NEK9: variants seen among roughly 807,000 people sequenced by gnomAD.
The protein encoded by NEK9 is serine/threonine-protein kinase Nek9.
Under a neutral mutation model 123.4 loss-of-function variants are expected in NEK9, and 75 were observed. The ratio of observed to expected loss-of-function variants is 0.61; its 90% CI spans 0.50 to 0.74. NEK9 has a LOEUF of 0.74. NEK9 is among the 30% of genes least tolerant of loss of function. The pLI, the probability that NEK9 is intolerant of heterozygous loss-of-function variation, is 0.00. For missense variants in NEK9, 952 were observed against 1,214.4 expected, an observed-to-expected ratio of 0.78 and a Z score of 3.21; for synonymous variants, 438 against 458.7, an observed-to-expected ratio of 0.95 and a Z score of 0.58.
At chr14:75,126,054 C>A (rs935517067) in intron 1 of NEK9, among the ~76,000 whole-genome samples, 2 of 152,176 alleles carry the variant, frequency 1.3e-5, no homozygotes, top group African/African-American at 4.8e-5. Context: ...TCAAAGGGGT[C>A]CTTGTGCCCC....
At chr14:75,122,026 C>T (rs1236961912) in intron 2 of NEK9, among the ~76,000 whole-genome samples, 1 of 152,216 alleles carries the variant, frequency 6.6e-6, no homozygotes. Context: ...CTAATTTCTT[C>T]CTGTGGAATA....
At chr14:75,094,651 A>G (rs1431488605) in intron 18 of NEK9, among the ~76,000 whole-genome samples, 1 of 152,084 alleles carries the variant, frequency 6.6e-6, no homozygotes, top group African/African-American at 2.4e-5. Context: ...GTGGTGGTGC[A>G]TGCCTGTAAT....
At chr14:75,099,378 A>C (rs937198771) in intron 16 of NEK9, among the ~76,000 whole-genome samples, 4 of 152,120 alleles carry the variant, frequency 2.6e-5, no homozygotes, top group Non-Finnish European at 4.4e-5. Flanking sequence ...AAGTGAAAAA[A>C]GTGGCTACAA....
At chr14:75,123,220 G>T (rs956360954) in intron 2 of NEK9, among the ~76,000 whole-genome samples, 11 of 152,042 alleles carry the variant, frequency 7.2e-5, no homozygotes, top group African/African-American at 2.7e-4. Flanking sequence ...GGCCAACGTG[G>T]CAAAACCCTG....
Position 75,121,122 on chromosome 14 carries a change from T to C in NEK9, c.450A>G (p.Glu150=), listed in dbSNP as rs1895318589. ...CTTCCACAGAAATATGAATTACCTC[T>C]TCCTCAAACAACTTGTCCTTCTGAC... ...ILRQKDKLFE[E]EMVVWYLFQI... Residue 150 remains glutamate (E), a synonymous_variant, in exon 3 of 22, where the codon GAA becomes GAG. Transcript: ENST00000238616. 4 of 1,611,014 alleles carry C rather than the reference T, an allele frequency of 2.5e-6. No individual in the cohort carries two copies. Among genetic ancestry groups the C allele is most frequent in the South Asian group, 1.1e-5 (1 of 91,024 alleles).
chr14:75,126,563 A>G (rs969538384), intron 1 of NEK9, 140 bp downstream of exon 1: 2 of 493,222 alleles, frequency 4.1e-6, no homozygotes, highest in African/African-American at 4.0e-5. Flanking sequence ...GAGTGGGAAG[A>G]GTGGTGAAGA....
intron 2 of NEK9, among the ~76,000 whole-genome samples, 173 bp downstream of exon 2, chr14:75,123,873 T>G (rs1185205641): frequency 6.6e-6 from 1 of 152,188 alleles, no homozygotes; most frequent in Non-Finnish European, 1.5e-5. Context: ...TCCCTCTCCT[T>G]ATTTCGTACA....
chr14:75,119,483 A>G (rs1895252392), intron 4 of NEK9, among the ~76,000 whole-genome samples: 1 of 152,238 alleles, frequency 6.6e-6, no homozygotes, highest in South Asian at 2.1e-4. Flanking sequence ...GCTTCACAGC[A>G]TAGAAATATC....
Position 75,084,111 on chromosome 14 carries a change from C to T in NEK9, c.*453G>A, listed in dbSNP as rs1345093852. The T allele has an allele frequency of 1.1e-5, 2 of 183,636 alleles. No homozygotes were observed. Among genetic ancestry groups the T allele is most frequent in the African/African-American group, 4.7e-5 (2 of 42,810 alleles). 11.4% of individuals were successfully genotyped at this position (183,636 alleles called of 1,614,324 possible). The stretch of plus-strand genomic sequence containing the variant: ...GCAGAGGACACTGGGCGGGCCACAC[C>T]TGATTCCAGCCCACTCCAACTTTAC... On this transcript the variant is annotated 3_prime_UTR_variant, in exon 22 of 22. Transcript: ENST00000238616.
intron 18 of NEK9, among the ~76,000 whole-genome samples, chr14:75,094,736 C>T (rs1034829187): frequency 1.3e-5 from 2 of 152,038 alleles, no homozygotes; most frequent in East Asian, 1.9e-4. Flanking sequence ...GCCGAGATTG[C>T]GCCATTGCAC....
chr14:75,098,857 A>G lies in NEK9; in HGVS notation c.2003-1587T>C, dbSNP rs115642619. On this transcript the variant is annotated intron_variant, in intron 16 of 21. Coordinates refer to ENST00000238616, the MANE Select transcript of NEK9 (RefSeq NM_033116.6). ...TATTCAAGAAACATGAGCTCTCTGA[A>G]GCCCTGTCAGAAAGTGCTACTGCAG... is the stretch of plus-strand genomic sequence containing the variant. Among the ~76,000 whole-genome samples, 1,326 of 152,330 alleles carry G rather than the reference A, an allele frequency of 8.7e-3. 27 individuals carry two copies. Among genetic ancestry groups the G allele is most frequent in the African/African-American group, 0.03 (1,263 of 41,570 alleles).
chr14:75,091,452 C>T lies in NEK9; in HGVS notation c.2260G>A (p.Gly754Ser). 6.2e-7 allele frequency: 1 copy of T among 1,602,184 alleles called. No individual in the cohort carries two copies. Among genetic ancestry groups the T allele is most frequent in the South Asian group, 1.1e-5 (1 of 88,660 alleles). ...TVFQSSSPGG[G>S]GGGGGGEEED... Reference sequence around the variant, plus strand: ...TCTTCACCACCGCCGCCCCCGCCGCCTCCTCCCGGGCTAGAGCTCTGAAAC... The same window carrying T: ...TCTTCACCACCGCCGCCCCCGCCGCTTCCTCCCGGGCTAGAGCTCTGAAAC... The change falls in exon 19 of 22, where the codon GGC (glycine) becomes AGC (serine). Residue 754 changes from glycine (G) to serine (S), a missense_variant. By Grantham distance (56) the Gly-to-Ser change is moderately conservative. This residue lies in a region of NEK9 where 698 missense variants were observed against 875.6 expected (regional missense o/e 0.80). Coordinates refer to ENST00000238616, the MANE Select transcript of NEK9 (RefSeq NM_033116.6).
At chr14:75,121,389 A>G (rs929879140) in intron 2 of NEK9, among the ~76,000 whole-genome samples, 8 of 152,232 alleles carry the variant, frequency 5.3e-5, no homozygotes, top group Non-Finnish European at 1.2e-4. Flanking sequence ...CTCTAACACA[A>G]GAGGCGTAAT....
rs1895550299 is a variant in NEK9 at position 75,126,825 on chromosome 14, T to TAGGCCCCGGACTCGAGTCCCCGC, written c.74_96dup (p.Ser33AlafsTer61). The TAGGCCCCGGACTCGAGTCCCCGC allele has an allele frequency of 2.0e-6, 3 of 1,534,064 alleles. No individual in the cohort carries two copies. The highest frequency in any genetic ancestry group is 2.6e-6 in the Non-Finnish European group (3 of 1,140,836). ...CCGGCTCGCGGCCCCTGACTGGCGC[T>TAGGCCCCGGACTCGAGTCCCCGC]AGGCCCCGGACTCGAGTCCCCGCAA... On this transcript the variant is annotated frameshift_variant, in exon 1 of 22. Coordinates refer to ENST00000238616, the MANE Select transcript of NEK9 (RefSeq NM_033116.6). LOFTEE classifies it high-confidence loss of function.
In NEK9 at chr14:75,127,034, G is replaced by A. The variant is rs562600505; in HGVS notation, c.-113C>T. On this transcript the variant is annotated 5_prime_UTR_variant, in exon 1 of 22. Transcript: ENST00000238616. ...GCGGATCCGTCAGCCCAGCAACCCC[G>A]CGAAGCTCGATGGTGGCTCCTGCCC... is the stretch of plus-strand genomic sequence containing the variant. The A allele has an allele frequency of 1.0e-5, 9 of 859,010 alleles. No homozygotes were observed. The East Asian group carries it at 1.7e-4, about 16-fold the overall frequency. The allele number at this position is 859,010 out of a possible 1,614,324, so 53.2% of individuals were successfully genotyped here.
At chr14:75,110,706 C>A (rs996482727) in intron 8 of NEK9, among the ~76,000 whole-genome samples, 1 of 151,838 alleles carries the variant, frequency 6.6e-6, no homozygotes, top group African/African-American at 2.4e-5. Flanking sequence ...CACTGACTCC[C>A]AAACTCAGTA....
intron 9 of NEK9, 147 bp from the exon 10 acceptor site, chr14:75,110,024 T>C (rs1265731148): frequency 2.3e-6 from 2 of 867,192 alleles, no homozygotes; most frequent in African/African-American, 3.4e-5. Context: ...ATGTGCTCTA[T>C]CACAGCAGAC....
intron 18 of NEK9, among the ~76,000 whole-genome samples, chr14:75,093,463 A>AT (rs1894283010): frequency 6.6e-6 from 1 of 151,634 alleles, no homozygotes; most frequent in Non-Finnish European, 1.5e-5. Context: ...ACTTTTATTT[A>AT]TTTTTTTTGA....
At chr14:75,100,196 C>T (rs1263456168) in intron 16 of NEK9, among the ~76,000 whole-genome samples, 3 of 133,132 alleles carry the variant, frequency 2.3e-5, no homozygotes. Flanking sequence ...CCTGTAATCT[C>T]AGCACTTTGG....
Sources: gnomAD v4.1 joint callset for allele counts (sites outside exome capture counted in the v4.1 genomes callset) on GRCh38, gnomAD v4.1.1 for gene constraint, gnomAD v4.1.1 regional missense constraint, MANE v1.5 for transcripts, NCBI Gene and HGNC (gene_info 2026-07-23, HGNC 2026-07-21) for gene names.